HECTD4: variants seen among roughly 807,000 people sequenced by gnomAD.
HECTD4 encodes the protein HECT domain E3 ubiquitin protein ligase 4, also known as probable E3 ubiquitin-protein ligase HECTD4.
In HECTD4, 114 loss-of-function variants were observed where a neutral mutation model predicts 471.5. That is an observed-to-expected ratio of 0.24 (90% CI 0.21 to 0.28). HECTD4 has a LOEUF of 0.28. HECTD4 is among the 10% of genes least tolerant of loss of function. The probability of loss-of-function intolerance (pLI) is 1.00; values close to 1 mark genes in which losing one functional copy is unlikely to be tolerated. For synonymous variants in HECTD4, 2,012 were observed against 2,256.0 expected (o/e 0.89, Z 3.07); for missense variants, 3,866 against 5,651.5 (o/e 0.68, Z 10.13).
chr12:112,232,925 C>T (rs1050417046), intron 38 of HECTD4, 79 bp downstream of exon 38: 3 of 1,315,358 alleles, frequency 2.3e-6, no homozygotes, highest in Admixed American at 2.1e-5. Flanking sequence ...TTTTTGTTTT[C>T]TTAATTTGTT....
At position 112,201,754 on chromosome 12, in the gene HECTD4, G is replaced by A. The variant is rs761449845; in HGVS notation, c.8407-956C>T. On this transcript the variant is annotated intron_variant, in intron 54 of 75. Transcript: ENST00000682272. ...AAGAGAATAGTGCTATATTTCCAGCGCAAACTGTTGCTAGGTAAAATTTAT... is the reference window on the plus strand; with the variant it reads ...AAGAGAATAGTGCTATATTTCCAGCACAAACTGTTGCTAGGTAAAATTTAT... Among the ~76,000 whole-genome samples, 35 of 152,100 alleles carry A rather than the reference G, an allele frequency of 2.3e-4. No individual in the cohort carries two copies. In the Middle Eastern group the frequency reaches 0.027, roughly 119 times the overall value.
At chr12:112,304,121 A>G (rs1341685983) in intron 7 of HECTD4, among the ~76,000 whole-genome samples, 1 of 152,022 alleles carries the variant, frequency 6.6e-6, no homozygotes, top group African/African-American at 2.4e-5. Flanking sequence ...GCCTGTATCC[A>G]AAAAGAAAAA....
intron 37 of HECTD4, among the ~76,000 whole-genome samples, chr12:112,234,713 T>C (rs1447749521): frequency 1.3e-5 from 2 of 152,246 alleles, no homozygotes; most frequent in African/African-American, 4.8e-5. Flanking sequence ...TACCAACAGC[T>C]GAAGGATGCC....
At chr12:112,323,893 T>C (rs1297658614) in intron 1 of HECTD4, among the ~76,000 whole-genome samples, 1 of 151,784 alleles carries the variant, frequency 6.6e-6, no homozygotes, top group Non-Finnish European at 1.5e-5. Context: ...GGTAAAGATA[T>C]ATTGAAAATA....
intron 29 of HECTD4, among the ~76,000 whole-genome samples, chr12:112,246,591 C>A (rs112164336): frequency 6.6e-6 from 1 of 151,986 alleles, no homozygotes; most frequent in Non-Finnish European, 1.5e-5. Flanking sequence ...GCCAAGATTG[C>A]GCCACTGCAC....
chr12:112,170,122 GC>G, intron 69 of HECTD4: 2 of 649,062 alleles, frequency 3.1e-6, no homozygotes, highest in African/African-American at 1.8e-5. Context: ...AGCTGGGTGG[GC>G]CCCCGGGAGC....
At chr12:112,316,449 CTCCTATG>C (rs2035481316) in intron 2 of HECTD4, among the ~76,000 whole-genome samples, 1 of 152,172 alleles carries the variant, frequency 6.6e-6, no homozygotes. Flanking sequence ...GCCTCCCTCA[CTCCTATG>C]TAAGCTCTGC....
chr12:112,222,734 T>A (rs1439467844), intron 44 of HECTD4, among the ~76,000 whole-genome samples: 1 of 152,194 alleles, frequency 6.6e-6, no homozygotes, highest in Non-Finnish European at 1.5e-5. Flanking sequence ...CTCAGGAGGC[T>A]GAAGCAAGAG....
At chr12:112,254,304 A>AT (rs1156626316) in intron 21 of HECTD4, 142 bp from the exon 22 acceptor site, 1 of 1,014,380 alleles carries the variant, frequency 9.9e-7, no homozygotes, top group East Asian at 2.7e-5. Context: ...ATATTTCCCG[A>AT]TTTTTTTAGG....
At chr12:112,226,863 C>A in intron 43 of HECTD4, 105 bp from the exon 44 acceptor site, 1 of 757,058 alleles carries the variant, frequency 1.3e-6, no homozygotes, top group Non-Finnish European at 2.1e-6. Context: ...CAGTTTACAA[C>A]AAGGTTCAAA....
intron 9 of HECTD4, among the ~76,000 whole-genome samples, chr12:112,277,791 TTA>T (rs1480096185): frequency 1.3e-5 from 2 of 152,198 alleles, no homozygotes; most frequent in African/African-American, 4.8e-5. Flanking sequence ...GATTCTATAT[TTA>T]TATATAACTC....
intron 72 of HECTD4, 27 bp downstream of exon 72, chr12:112,167,290 C>T (rs1449902217): frequency 1.9e-6 from 3 of 1,561,968 alleles, no homozygotes; most frequent in South Asian, 2.3e-5. Context: ...GGTTCTGCAG[C>T]CCCCCAGAAC....
At position 112,283,038 on chromosome 12, in the gene HECTD4, G is replaced by A. The variant is rs564406542; in HGVS notation, c.1528+72C>T. On this transcript the variant is annotated intron_variant, in intron 8 of 75. Transcript: ENST00000682272. ...GGAAAGGGCTTTGTACAGCACGGACGAAGTGCTCAATAAGACGTAGCTGAA... is the reference window on the plus strand; with the variant it reads ...GGAAAGGGCTTTGTACAGCACGGACAAAGTGCTCAATAAGACGTAGCTGAA... 3.1e-5 allele frequency: 39 copies of A among 1,245,506 alleles called. 1 individual carries two copies. The highest frequency in any genetic ancestry group is 3.0e-4 in the African/African-American group (20 of 66,750). The allele number at this position is 1,245,506 out of a possible 1,614,324, so 77.2% of individuals were successfully genotyped here. A position where few individuals can be genotyped will look rare whatever the true frequency, so the allele number is the denominator to read the frequency against.
chr12:112,224,969 A>C (rs2033194173), intron 44 of HECTD4, among the ~76,000 whole-genome samples: 1 of 152,210 alleles, frequency 6.6e-6, no homozygotes. Context: ...AAAAAGTCAG[A>C]GGCAGTGAAC....
In HECTD4 at chr12:112,173,801, GT is replaced by G. The variant is rs2031331089; in HGVS notation, c.11595-941del. On this transcript the variant is annotated intron_variant, in intron 66 of 75. Transcript: ENST00000682272. This position sits in a 1 kb window ranked among gnomAD's most constrained non-coding sequence, Gnocchi z 4.3. Reference sequence around the variant, plus strand: ...CCACCTCAGCTCCCAAAGTGCTAGGGTTTCTAAAACAAGTTCAGAAAACTTG... The same window carrying G: ...CCACCTCAGCTCCCAAAGTGCTAGGGTTCTAAAACAAGTTCAGAAAACTTG... Among the ~76,000 whole-genome samples, 1 of 151,878 alleles carries G rather than the reference GT, an allele frequency of 6.6e-6. No homozygotes were observed. The highest frequency in any genetic ancestry group is 2.4e-5 in the African/African-American group (1 of 41,322).
chr12:112,350,914 TATGGC>T (rs2036238526), intron 1 of HECTD4, among the ~76,000 whole-genome samples: 1 of 152,154 alleles, frequency 6.6e-6, no homozygotes, highest in Admixed American at 6.6e-5. Flanking sequence ...CAAATGCAAG[TATGGC>T]TCAATTTAAA....
intron 1 of HECTD4, among the ~76,000 whole-genome samples, chr12:112,374,002 T>G (rs2036732528): frequency 1.6e-5 from 2 of 122,082 alleles, no homozygotes; most frequent in South Asian, 5.0e-4. Context: ...AGACTCTGTC[T>G]CAAAAAAAAA....
chr12:112,209,987 A>C, intron 50 of HECTD4, 28 bp downstream of exon 50: 1 of 1,547,636 alleles, frequency 6.5e-7, no homozygotes. Context: ...GAAGCCATGG[A>C]GGCAGTAAGT....
At chr12:112,187,597 A>C (rs2031918161) in intron 60 of HECTD4, among the ~76,000 whole-genome samples, 2 of 150,634 alleles carry the variant, frequency 1.3e-5, no homozygotes, top group Non-Finnish European at 3.0e-5. Context: ...TTGTATTTAA[A>C]GAAGTGATGT....
Sources: allele counts gnomAD v4.1 joint callset (sites outside exome capture counted in the v4.1 genomes callset), GRCh38; gene constraint gnomAD v4.1.1; non-coding constraint Gnocchi (gnomAD v3.1); transcripts MANE v1.5; gene names NCBI Gene and HGNC (gene_info 2026-07-23, HGNC 2026-07-21).